The following SPRR2G variants were observed in gnomAD, a reference collection of about 807,000 sequenced individuals.
SPRR2G encodes small proline-rich protein 2G.
A neutral mutation model predicts 0.7 loss-of-function variants in SPRR2G; 1 was observed. The observed-to-expected ratio is 1.49, with a 90% CI of 0.53 to 7.06. The LOEUF (loss-of-function observed/expected upper bound fraction) is 7.06, where lower values mean the gene tolerates loss of function less well. SPRR2G is among the 30% of genes most tolerant of loss of function. The pLI is 0.14. For missense variants in SPRR2G, 96 were observed against 88.5 expected, an observed-to-expected ratio of 1.09 and a Z score of -0.34; for synonymous variants, 38 against 33.9, an observed-to-expected ratio of 1.12 and a Z score of -0.42.
chr1:153,164,876 C>A, the SPRR2G span, among the ~76,000 whole-genome samples: 1 of 152,174 alleles, frequency 6.6e-6, no homozygotes, highest in Non-Finnish European at 1.5e-5. Context: ...TATAAACTCT[C>A]CTCAGGCTAG....
chr1:153,188,300 C>T, the SPRR2G span, among the ~76,000 whole-genome samples: 2 of 152,140 alleles, frequency 1.3e-5, no homozygotes, highest in Non-Finnish European at 2.9e-5. Flanking sequence ...TGAAGCTGCA[C>T]CCACAGCCAC....
At chr1:153,171,837 G>T in the SPRR2G span, among the ~76,000 whole-genome samples, 3 of 152,168 alleles carry the variant, frequency 2.0e-5, no homozygotes, top group South Asian at 4.2e-4. Flanking sequence ...GAAATTAGTG[G>T]ATGTCTAACA....
chr1:153,156,157 A>T, the SPRR2G span, among the ~76,000 whole-genome samples: 1 of 152,318 alleles, frequency 6.6e-6, no homozygotes, highest in African/African-American at 2.4e-5. Context: ...CAATCTTGTG[A>T]GTTCTGAGGG....
In SPRR2G at chr1:153,149,940, A is replaced by T; in HGVS notation, c.171T>A (p.Pro57=). The change falls in exon 2 of 2, where the codon CCT becomes CCA. Residue 57 remains proline, a synonymous_variant. Transcript: ENST00000368748. ...GCTGGCAGGGTGGGTATGGTTGCACAGGAGGGCATTTATCCTGGCATGGTG... is the reference window on the plus strand; with the variant it reads ...GCTGGCAGGGTGGGTATGGTTGCACTGGAGGGCATTTATCCTGGCATGGTG... The part of the protein sequence containing the change: ...PPPPCQDKCP[P]VQPYPPCQQK... 3 of 1,614,080 alleles carry T rather than the reference A, an allele frequency of 1.9e-6. No individual in the cohort carries two copies. Among genetic ancestry groups the T allele is most frequent in the Non-Finnish European group, 2.5e-6 (3 of 1,180,010 alleles).
At chr1:153,163,740 A>G in the SPRR2G span, among the ~76,000 whole-genome samples, 5 of 152,172 alleles carry the variant, frequency 3.3e-5, no homozygotes, top group Admixed American at 6.5e-5. Flanking sequence ...TGTGCACGGC[A>G]TCTGTGTCTC....
chr1:153,152,315 T>C (rs1294742639), upstream of SPRR2G, among the ~76,000 whole-genome samples: 4 of 152,312 alleles, frequency 2.6e-5, no homozygotes, highest in Non-Finnish European at 5.9e-5. Context: ...TCACTACTAA[T>C]TAGACGGCAT....
chr1:153,168,974 C>T, the SPRR2G span, among the ~76,000 whole-genome samples: 488 of 150,988 alleles, frequency 3.2e-3, 3 homozygotes, highest in African/African-American at 0.011. Flanking sequence ...ATAAATCAGC[C>T]TTGAGAAACA....
chr1:153,155,057 T>G (rs2101650070), upstream of SPRR2G, among the ~76,000 whole-genome samples: 1 of 152,266 alleles, frequency 6.6e-6, no homozygotes. Context: ...GATCTGAACC[T>G]CTTCTTCTAA....
At chr1:153,162,269 T>C in the SPRR2G span, among the ~76,000 whole-genome samples, 3 of 152,238 alleles carry the variant, frequency 2.0e-5, no homozygotes, top group East Asian at 1.9e-4. Flanking sequence ...TTTGGTTTTC[T>C]GTTCCTGCAT....
At chr1:153,180,554 A>T in the SPRR2G span, among the ~76,000 whole-genome samples, 155 of 152,314 alleles carry the variant, frequency 1.0e-3, no homozygotes, top group African/African-American at 3.4e-3. Context: ...TGGAATTTTT[A>T]AAAATAGTGC....
At chr1:153,180,525 A>G in the SPRR2G span, among the ~76,000 whole-genome samples, 2 of 152,170 alleles carry the variant, frequency 1.3e-5, no homozygotes, top group Admixed American at 6.5e-5. Flanking sequence ...GCTAAAAGGT[A>G]TTTTAGTAGT....
the SPRR2G span, among the ~76,000 whole-genome samples, chr1:153,177,121 T>C: frequency 6.6e-6 from 1 of 152,216 alleles, no homozygotes; most frequent in African/African-American, 2.4e-5. Flanking sequence ...CGTACTCTGC[T>C]GTGTTTGGCT....
chr1:153,160,076 AGAC>A, the SPRR2G span, among the ~76,000 whole-genome samples: 2 of 152,206 alleles, frequency 1.3e-5, no homozygotes, highest in Admixed American at 1.3e-4. Context: ...CTTCTACCCC[AGAC>A]CCTGGCAACC....
chr1:153,165,640 T>C, the SPRR2G span, among the ~76,000 whole-genome samples: 1 of 151,938 alleles, frequency 6.6e-6, no homozygotes, highest in African/African-American at 2.4e-5. Context: ...AGAAAACATA[T>C]ATAAAATGGG....
chr1:153,158,457 T>A, the SPRR2G span, among the ~76,000 whole-genome samples: 1 of 152,226 alleles, frequency 6.6e-6, no homozygotes, highest in Non-Finnish European at 1.5e-5. Context: ...AAGGGGTAAG[T>A]TTCCATGGTC....
the SPRR2G span, among the ~76,000 whole-genome samples, chr1:153,165,648 G>T: frequency 1.2e-4 from 18 of 151,254 alleles, no homozygotes; most frequent in Non-Finnish European, 2.2e-4. Context: ...TATATAAAAT[G>T]GGTTGAGAAC....
the SPRR2G span, among the ~76,000 whole-genome samples, chr1:153,156,949 G>A: frequency 1.3e-5 from 2 of 152,218 alleles, no homozygotes; most frequent in South Asian, 2.1e-4. Context: ...CATAAGGTCA[G>A]AACAAGATTG....
the SPRR2G span, chr1:153,176,646 G>A: frequency 6.6e-6 from 1 of 152,132 alleles, no homozygotes; most frequent in African/African-American, 2.4e-5. Flanking sequence ...TGTCGGTATG[G>A]GTGTGACAAA....
the SPRR2G span, among the ~76,000 whole-genome samples, chr1:153,162,666 A>T: frequency 4.6e-5 from 7 of 152,300 alleles, no homozygotes; most frequent in African/African-American, 1.7e-4. Context: ...AGCAGGACAC[A>T]TCATGGACTG....
Sources: gnomAD v4.1 joint callset for allele counts (sites outside exome capture counted in the v4.1 genomes callset) on GRCh38, gnomAD v4.1.1 for gene constraint, MANE v1.5 for transcripts, NCBI Gene and HGNC (gene_info 2026-07-23, HGNC 2026-07-21) for gene names.